Variants in FSTL5 observed in about 807,000 individuals in gnomAD.
The protein encoded by FSTL5 is follistatin-related protein 5.
FSTL5 carries 62 observed loss-of-function variants against 89.1 expected under a neutral mutation model. The ratio of observed to expected loss-of-function variants is 0.70; its 90% CI spans 0.57 to 0.86. The LOEUF (loss-of-function observed/expected upper bound fraction) is 0.86, where lower values mean the gene tolerates loss of function less well. FSTL5 is among the 40% of genes least tolerant of loss of function. FSTL5 has a pLI of 0.00. For missense variants in FSTL5, 1,057 were observed against 1,001.6 expected (o/e 1.06, Z -0.75); for synonymous variants, 383 against 346.2 (o/e 1.11, Z -1.18).
At chr4:161,430,423 T>C (rs895571467) in intron 15 of FSTL5, among the ~76,000 whole-genome samples, 1 of 152,130 alleles carries the variant, frequency 6.6e-6, no homozygotes, top group Non-Finnish European at 1.5e-5. Context: ...TTAACCCAAA[T>C]AAGACTATCT....
chr4:161,778,388 A>T (rs1741500156), intron 4 of FSTL5, among the ~76,000 whole-genome samples: 1 of 152,194 alleles, frequency 6.6e-6, no homozygotes, highest in Non-Finnish European at 1.5e-5. Flanking sequence ...AATTATGATC[A>T]ATTTTGACAA....
chr4:162,090,227 C>T (rs985887684), intron 2 of FSTL5, among the ~76,000 whole-genome samples: 1 of 151,924 alleles, frequency 6.6e-6, no homozygotes, highest in African/African-American at 2.4e-5. Context: ...AGAACAAAAG[C>T]AAAAATTAAC....
intron 6 of FSTL5, among the ~76,000 whole-genome samples, chr4:161,724,352 G>A (rs1436573777): frequency 2.6e-5 from 4 of 151,956 alleles, no homozygotes; most frequent in African/African-American, 9.7e-5. Flanking sequence ...CTAATAGGCC[G>A]ATGTACATAG....
chr4:161,988,759 T>C (rs755202700), intron 3 of FSTL5, among the ~76,000 whole-genome samples: 9 of 152,154 alleles, frequency 5.9e-5, no homozygotes, highest in Non-Finnish European at 1.2e-4. Flanking sequence ...GCTAAGTCAG[T>C]CTAATTTAAA....
At chr4:162,095,252 T>C (rs1255154788) in intron 2 of FSTL5, among the ~76,000 whole-genome samples, 5 of 152,236 alleles carry the variant, frequency 3.3e-5, no homozygotes, top group African/African-American at 9.6e-5. Flanking sequence ...TTCTAAAGCC[T>C]AGAGCAGATT....
At chr4:161,819,404 T>C (rs1730425428) in intron 4 of FSTL5, among the ~76,000 whole-genome samples, 2 of 152,138 alleles carry the variant, frequency 1.3e-5, no homozygotes, top group African/African-American at 4.8e-5. Context: ...AACACTTCCC[T>C]GACATTTTAT....
intron 3 of FSTL5, among the ~76,000 whole-genome samples, chr4:162,032,063 A>G (rs1431290911): frequency 6.6e-6 from 1 of 152,220 alleles, no homozygotes. Flanking sequence ...ATTATAAAAG[A>G]AAACATATTC....
chr4:161,977,612 CAAA>C (rs796909244), intron 3 of FSTL5, among the ~76,000 whole-genome samples: 8,333 of 93,948 alleles, frequency 0.089, 341 homozygotes, highest in Middle Eastern at 0.21. Context: ...GACTCCGTGT[CAAA>C]AAAAAAAAAA....
intron 10 of FSTL5, among the ~76,000 whole-genome samples, chr4:161,518,638 T>C (rs1050547576): frequency 2.6e-5 from 4 of 152,166 alleles, no homozygotes; most frequent in East Asian, 1.9e-4. Flanking sequence ...ATTAGTCTCA[T>C]TGAATCCACG....
chr4:161,960,360 G>C (rs1177016011), intron 3 of FSTL5, among the ~76,000 whole-genome samples: 1 of 151,442 alleles, frequency 6.6e-6, no homozygotes, highest in African/African-American at 2.4e-5. Flanking sequence ...ATTTTTAGTA[G>C]AGATGAGGCT....
At chr4:161,857,485 G>T (rs531214667) in intron 4 of FSTL5, among the ~76,000 whole-genome samples, 2 of 152,174 alleles carry the variant, frequency 1.3e-5, no homozygotes, top group South Asian at 2.1e-4. Flanking sequence ...TGGCTGGAAT[G>T]CTACCCCTTC....
chr4:161,476,181 T>TTTGG (rs1553990005), intron 13 of FSTL5, among the ~76,000 whole-genome samples: 1 of 117,820 alleles, frequency 8.5e-6, no homozygotes, highest in Non-Finnish European at 1.7e-5. Flanking sequence ...TGGTTTTTTT[T>TTTGG]TTTTTTTGTT....
intron 4 of FSTL5, among the ~76,000 whole-genome samples, chr4:161,896,720 GA>G (rs1205928301): frequency 1.3e-5 from 2 of 151,976 alleles, no homozygotes; most frequent in South Asian, 2.1e-4. Context: ...AATTACATAG[GA>G]AAAAATTATT....
intron 6 of FSTL5, among the ~76,000 whole-genome samples, chr4:161,658,273 A>G (rs1177593812): frequency 6.6e-6 from 1 of 151,852 alleles, no homozygotes; most frequent in African/African-American, 2.4e-5. Flanking sequence ...AGCCTGGCCA[A>G]CATGGTGAAA....
chr4:161,792,042 G>T (rs1729495491), intron 4 of FSTL5, among the ~76,000 whole-genome samples: 1 of 152,156 alleles, frequency 6.6e-6, no homozygotes, highest in South Asian at 2.1e-4. Context: ...GTGGACCCAG[G>T]CATCCCTGCA....
rs567155938 is a variant in FSTL5, at chr4:161,537,013, T to C, written c.1312+1153A>G. On this transcript the variant is annotated intron_variant, in intron 10 of 15. Transcript: ENST00000306100. ...AGGCCATTAAATCCAGCTTTTTTTC[T>C]CTTTTTTCAACCTAAAGACTTTCCT... Among the ~76,000 whole-genome samples the C allele has an allele frequency of 3.9e-5, 6 of 152,254 alleles. No homozygotes were observed. In the East Asian group the frequency reaches 5.8e-4, roughly 15 times the overall value.
chr4:161,768,003 A>G (rs1191634495), intron 5 of FSTL5, among the ~76,000 whole-genome samples: 1 of 152,140 alleles, frequency 6.6e-6, no homozygotes, highest in Non-Finnish European at 1.5e-5. Flanking sequence ...CAAGAAACAC[A>G]TTTGATAAGT....
chr4:161,777,362 C>A (rs928444272), intron 4 of FSTL5, among the ~76,000 whole-genome samples: 4 of 151,546 alleles, frequency 2.6e-5, no homozygotes, highest in African/African-American at 7.3e-5. Context: ...CATAAGAGTG[C>A]AGATATCTCT....
chr4:161,974,160 T>C (rs1202898582), intron 3 of FSTL5, among the ~76,000 whole-genome samples: 1 of 152,098 alleles, frequency 6.6e-6, no homozygotes, highest in Non-Finnish European at 1.5e-5. Context: ...GAAGAATCAA[T>C]ATCGTGAAAA....
Sources: allele counts gnomAD v4.1 joint callset (sites outside exome capture counted in the v4.1 genomes callset), GRCh38; gene constraint gnomAD v4.1.1; transcripts MANE v1.5; gene names NCBI Gene and HGNC (gene_info 2026-07-23, HGNC 2026-07-21).